Variants in TECR observed in about 807,000 individuals in gnomAD.
TECR encodes trans-2,3-enoyl-CoA reductase.
TECR carries 19 observed loss-of-function variants against 50.6 expected under a neutral mutation model. The ratio of observed to expected loss-of-function variants is 0.38; its 90% CI spans 0.26 to 0.55. The LOEUF (loss-of-function observed/expected upper bound fraction) is 0.55, where lower values mean the gene tolerates loss of function less well. Among genes scored for constraint, TECR ranks in the 20% least tolerant of loss-of-function variants. TECR has a pLI of 0.79. For missense variants in TECR, 313 were observed against 408.3 expected (o/e 0.77, Z 2.01); for synonymous variants, 168 against 163.5 (o/e 1.03, Z -0.21).
intron 1 of TECR, among the ~76,000 whole-genome samples, chr19:14,560,524 C>T (rs2073871251): frequency 1.3e-5 from 2 of 152,254 alleles, no homozygotes; most frequent in Admixed American, 1.3e-4. Flanking sequence ...CCTACATATC[C>T]CCTTGGTGGG....
intron 1 of TECR, among the ~76,000 whole-genome samples, chr19:14,541,525 G>GT (rs2073097404): frequency 6.6e-6 from 1 of 152,220 alleles, no homozygotes; most frequent in Non-Finnish European, 1.5e-5. Context: ...GTTCCAACAT[G>GT]TTTTTTCCCT....
Position 14,563,398 on chromosome 19 carries a change from G to A in TECR, c.118+141G>A. 1.1e-6 allele frequency: 1 copy of A among 918,880 alleles called. No homozygotes were observed. The highest frequency in any genetic ancestry group is 1.7e-6 in the Non-Finnish European group (1 of 578,986). The allele number at this position is 918,880 out of a possible 1,614,324, so 56.9% of individuals were successfully genotyped here. A position where few individuals can be genotyped will look rare whatever the true frequency, so the allele number is the denominator to read the frequency against. ...GGCCCAGGCTTCTGGGGCGTGACTG[G>A]GGCAGGCGCCTCCACGTGGCACTCC... is the stretch of plus-strand genomic sequence containing the variant. On this transcript the variant is annotated intron_variant, in intron 3 of 12. Coordinates refer to ENST00000215567, the MANE Select transcript of TECR (RefSeq NM_138501.6). The surrounding 1 kb of genome is among the most constrained non-coding windows in gnomAD (Gnocchi z 5.3).
intron 1 of TECR, among the ~76,000 whole-genome samples, chr19:14,551,341 C>T (rs1275545077): frequency 6.6e-6 from 1 of 152,148 alleles, no homozygotes; most frequent in Non-Finnish European, 1.5e-5. Flanking sequence ...TCCCAGAGTA[C>T]TGGGATTACA....
chr19:14,563,414 G>T lies in TECR; in HGVS notation c.118+157G>T, dbSNP rs185593335. 6.2e-5 allele frequency: 53 copies of T among 850,882 alleles called. No homozygotes were observed. The Middle Eastern group carries it at 1.0e-3, about 16-fold the overall frequency. 52.7% of individuals were successfully genotyped at this position (850,882 alleles called of 1,614,324 possible). The stretch of plus-strand genomic sequence containing the variant: ...GCGTGACTGGGGCAGGCGCCTCCAC[G>T]TGGCACTCCGCAGGAACGCCCTTGC... On this transcript the variant is annotated intron_variant, in intron 3 of 12. Transcript: ENST00000215567. This position sits in a 1 kb window ranked among gnomAD's most constrained non-coding sequence, Gnocchi z 5.3.
chr19:14,558,077 T>C (rs1421794007), intron 1 of TECR, among the ~76,000 whole-genome samples: 2 of 152,184 alleles, frequency 1.3e-5, no homozygotes, highest in Non-Finnish European at 2.9e-5. Flanking sequence ...TAATAAGATT[T>C]ATCCTAAACT....
chr19:14,549,033 G>C lies in TECR; in HGVS notation c.16-13492G>C, dbSNP rs140928354. Reference sequence around the variant, plus strand: ...TTTCTTTGATTTTTTTTTTCCATCCGCTTAAAAAGGTAAAAACGTCATGTA... The same window carrying C: ...TTTCTTTGATTTTTTTTTTCCATCCCCTTAAAAAGGTAAAAACGTCATGTA... On this transcript the variant is annotated intron_variant, in intron 1 of 12. Transcript: ENST00000215567. Among the ~76,000 whole-genome samples, 640 of 151,386 alleles carry C rather than the reference G, an allele frequency of 4.2e-3. 8 individuals are homozygous for C. The highest frequency in any genetic ancestry group is 0.015 in the African/African-American group (606 of 41,300).
rs1212620508 is a variant in TECR, at chr19:14,563,413, C to T, written c.118+156C>T. 2.6e-5 allele frequency: 22 copies of T among 850,182 alleles called. No individual in the cohort carries two copies. Among genetic ancestry groups the T allele is most frequent in the South Asian group, 2.1e-4 (14 of 67,496 alleles). The allele number at this position is 850,182 out of a possible 1,614,324, so 52.7% of individuals were successfully genotyped here. ...GGCGTGACTGGGGCAGGCGCCTCCA[C>T]GTGGCACTCCGCAGGAACGCCCTTG... On this transcript the variant is annotated intron_variant, in intron 3 of 12. Coordinates refer to ENST00000215567, the MANE Select transcript of TECR (RefSeq NM_138501.6). The surrounding 1 kb of genome is among the most constrained non-coding windows in gnomAD (Gnocchi z 5.3).
chr19:14,556,923 A>G (rs890282577), intron 1 of TECR, among the ~76,000 whole-genome samples: 2 of 151,754 alleles, frequency 1.3e-5, no homozygotes, highest in Admixed American at 1.3e-4. Flanking sequence ...GTATCTCGCT[A>G]TTGTTAGGGT....
Position 14,563,339 on chromosome 19 carries a change from C to T in TECR, c.118+82C>T, listed in dbSNP as rs994316374. 1.5e-6 allele frequency: 2 copies of T among 1,328,688 alleles called. No individual in the cohort carries two copies. The highest frequency in any genetic ancestry group is 2.1e-6 in the Non-Finnish European group (2 of 936,264). 82.3% of individuals were successfully genotyped at this position (1,328,688 alleles called of 1,614,324 possible). On this transcript the variant is annotated intron_variant, in intron 3 of 12. Transcript: ENST00000215567. The surrounding 1 kb of genome is among the most constrained non-coding windows in gnomAD (Gnocchi z 5.3). ...GGTGGGAGGGATCCCATCCTGCACC[C>T]CTCTCCCAGGGGCCTGCAGAGATGC...
chr19:14,544,098 G>A (rs527469417), intron 1 of TECR, among the ~76,000 whole-genome samples: 1 of 152,134 alleles, frequency 6.6e-6, no homozygotes, highest in East Asian at 1.9e-4. Flanking sequence ...GGACAGAGCT[G>A]GAGAATCCCT....
chr19:14,555,609 C>T (rs1163020604), intron 1 of TECR, among the ~76,000 whole-genome samples: 1 of 151,876 alleles, frequency 6.6e-6, no homozygotes, highest in Non-Finnish European at 1.5e-5. Context: ...CCACACTTGG[C>T]TAATTTTTGT....
At chr19:14,528,632 A>C (rs186428105), upstream of TECR, among the ~76,000 whole-genome samples, 1 of 152,072 alleles carries the variant, frequency 6.6e-6, no homozygotes, top group East Asian at 1.9e-4. Flanking sequence ...TCCCCTGTCC[A>C]TAGGGCGGAG....
chr19:14,545,500 A>G (rs2073274178), intron 1 of TECR, among the ~76,000 whole-genome samples: 1 of 152,066 alleles, frequency 6.6e-6, no homozygotes, highest in Admixed American at 6.6e-5. Flanking sequence ...AGCACCAGCA[A>G]GCCTAGGGGG....
chr19:14,533,885 A>AT (rs1254961378), intron 1 of TECR: 1 of 152,116 alleles, frequency 6.6e-6, no homozygotes, highest in Non-Finnish European at 1.5e-5. Context: ...AGGATACAGT[A>AT]TTTTTTTAAT....
At chr19:14,562,668 T>G (rs1344768506) in intron 2 of TECR, 93 bp downstream of exon 2, 16 of 1,398,004 alleles carry the variant, frequency 1.1e-5, no homozygotes, top group Non-Finnish European at 1.4e-5. Context: ...GGGCCCTTTG[T>G]GCCCCACCCC....
At chr19:14,539,425 G>T (rs1266780029) in intron 1 of TECR, among the ~76,000 whole-genome samples, 2 of 152,048 alleles carry the variant, frequency 1.3e-5, no homozygotes, top group Admixed American at 1.3e-4. Context: ...GAGGCTAGAA[G>T]ACAGTCTGGC....
At chr19:14,560,922 CAG>C (rs1568426152) in intron 1 of TECR, among the ~76,000 whole-genome samples, 1 of 152,274 alleles carries the variant, frequency 6.6e-6, no homozygotes, top group Non-Finnish European at 1.5e-5. Context: ...TGCATTGTCT[CAG>C]GGGACCGTCA....
chr19:14,530,120 CAG>C (rs2072571714), intron 1 of TECR: 2 of 317,984 alleles, frequency 6.3e-6, no homozygotes, highest in Admixed American at 4.4e-5. Context: ...GCTTTGCTAT[CAG>C]TATTCTTGTG....
intron 1 of TECR, among the ~76,000 whole-genome samples, chr19:14,560,329 T>C (rs1356496581): frequency 6.6e-6 from 1 of 152,154 alleles, no homozygotes; most frequent in African/African-American, 2.4e-5. Context: ...GGAGGCCTTC[T>C]CTCCCTGTGG....
Sources: allele counts gnomAD v4.1 joint callset (sites outside exome capture counted in the v4.1 genomes callset), GRCh38; gene constraint gnomAD v4.1.1; non-coding constraint Gnocchi (gnomAD v3.1); transcripts MANE v1.5; gene names NCBI Gene and HGNC (gene_info 2026-07-23, HGNC 2026-07-21).